TTC23L: variants seen among roughly 807,000 people sequenced by gnomAD.
TTC23L encodes the protein tetratricopeptide repeat domain 23 like.
Under a neutral mutation model 48.1 loss-of-function variants are expected in TTC23L, and 42 were observed. The observed-to-expected ratio is 0.87, with a 90% CI of 0.68 to 1.13. The LOEUF (loss-of-function observed/expected upper bound fraction) is 1.13. Ranked by LOEUF, TTC23L falls within the 50% of genes most tolerant of loss-of-function variation. TTC23L has a pLI of 0.00. For missense variants in TTC23L, 391 were observed against 421.0 expected, an observed-to-expected ratio of 0.93 and a Z score of 0.62; for synonymous variants, 159 against 157.2, an observed-to-expected ratio of 1.01 and a Z score of -0.09.
the TTC23L span, chr5:34,909,186 TTTTA>T: frequency 5.7e-6 from 7 of 1,235,112 alleles, no homozygotes; most frequent in Non-Finnish European, 8.1e-6. Context: ...TTGAAAGTGT[TTTTA>T]TTTAACAGAA....
At chr5:34,895,719 T>C (rs1184483122) in intron 9 of TTC23L, among the ~76,000 whole-genome samples, 2 of 151,838 alleles carry the variant, frequency 1.3e-5, no homozygotes, top group Admixed American at 6.6e-5. Context: ...AGAAGGAAAG[T>C]AGGGTGGAGA....
intron 8 of TTC23L, among the ~76,000 whole-genome samples, chr5:34,874,629 G>T (rs897258624): frequency 1.3e-5 from 2 of 152,032 alleles, no homozygotes; most frequent in Non-Finnish European, 2.9e-5. Flanking sequence ...AGGCAGAGGT[G>T]GGGGGTTTGC....
chr5:34,888,515 A>G (rs1056012436), intron 9 of TTC23L: 2 of 985,274 alleles, frequency 2.0e-6, no homozygotes, highest in Admixed American at 1.2e-4. Flanking sequence ...GGAGACAAAG[A>G]GCCTCCTTAC....
Position 34,850,112 on chromosome 5 carries a change from T to A in TTC23L, c.256-73T>A. 3 of 1,534,896 alleles carry A rather than the reference T, an allele frequency of 2.0e-6. No homozygotes were observed. In the South Asian group the frequency reaches 3.5e-5, roughly 18 times the overall value. ...GATGACAGGTGAATTCAGTCCTGTG[T>A]TCCAGTGATAAGTCCATGGGGTAGA... On this transcript the variant is annotated intron_variant, in intron 3 of 10. Transcript: ENST00000505624.
At chr5:34,866,017 T>C (rs980770890) in intron 6 of TTC23L, among the ~76,000 whole-genome samples, 3 of 152,248 alleles carry the variant, frequency 2.0e-5, no homozygotes, top group African/African-American at 7.2e-5. Context: ...TGTAGGCTTA[T>C]AGAGTTTGAG....
chr5:34,871,841 TGGAAA>T (rs1309697653), intron 8 of TTC23L, among the ~76,000 whole-genome samples: 1 of 152,110 alleles, frequency 6.6e-6, no homozygotes, highest in African/African-American at 2.4e-5. Flanking sequence ...TAATTCAATA[TGGAAA>T]GGATAGTCTT....
the TTC23L span, chr5:34,915,982 T>G: frequency 1.2e-5 from 17 of 1,422,050 alleles, no homozygotes; most frequent in Non-Finnish European, 1.6e-5. Context: ...ACAGCCTTGC[T>G]TAATTTCAGA....
intron 4 of TTC23L, among the ~76,000 whole-genome samples, chr5:34,862,020 C>T (rs11744123): frequency 0.23 from 34,977 of 152,078 alleles, 4,807 homozygotes; most frequent in East Asian, 0.36. Context: ...TTGAGGGGAA[C>T]CTGGTGCTAA....
At chr5:34,916,926 AG>A in the TTC23L span, among the ~76,000 whole-genome samples, 180 of 152,272 alleles carry the variant, frequency 1.2e-3, no homozygotes, top group African/African-American at 4.2e-3. Context: ...GTACACTTCC[AG>A]TAAATGTTAG....
intron 4 of TTC23L, among the ~76,000 whole-genome samples, chr5:34,859,301 G>A (rs1760383711): frequency 6.6e-6 from 1 of 152,088 alleles, no homozygotes; most frequent in African/African-American, 2.4e-5. Flanking sequence ...TTGTTTTCTT[G>A]GTCTAAAGTA....
At chr5:34,913,565 T>C in the TTC23L span, 2 of 1,586,428 alleles carry the variant, frequency 1.3e-6, no homozygotes, top group Non-Finnish European at 1.7e-6. Flanking sequence ...TTTAAACTCC[T>C]GAAATATTCC....
chr5:34,915,933 G>A, the TTC23L span: 8 of 1,499,240 alleles, frequency 5.3e-6, no homozygotes, highest in Admixed American at 5.1e-5. Context: ...ACCTGCGGCG[G>A]CGGCTCTGTG....
chr5:34,913,864 A>G, the TTC23L span: 2 of 475,020 alleles, frequency 4.2e-6, no homozygotes, highest in South Asian at 1.7e-5. Context: ...ATAATGCATG[A>G]GCAACATTAG....
chr5:34,916,162 T>G, the TTC23L span: 1 of 352,760 alleles, frequency 2.8e-6, no homozygotes, highest in African/African-American at 2.1e-5. Flanking sequence ...GATCCAGCGT[T>G]CTTTCTTACT....
At chr5:34,840,512 G>A (rs868138492) in intron 1 of TTC23L, among the ~76,000 whole-genome samples, 153 bp from the exon 2 acceptor site, 8 of 152,130 alleles carry the variant, frequency 5.3e-5, no homozygotes, top group South Asian at 2.1e-4. Flanking sequence ...GTTTTCCAGC[G>A]GTCTCCATAT....
the TTC23L span, among the ~76,000 whole-genome samples, chr5:34,911,196 C>T: frequency 2.0e-5 from 3 of 152,330 alleles, no homozygotes; most frequent in South Asian, 6.2e-4. Context: ...CCTGAACTAA[C>T]TTGAAAAAGA....
chr5:34,892,599 G>C (rs184866755), intron 9 of TTC23L, among the ~76,000 whole-genome samples: 180 of 152,292 alleles, frequency 1.2e-3, no homozygotes, highest in African/African-American at 4.2e-3. Flanking sequence ...GAAATGTAAA[G>C]GAAAAGGGCA....
intron 7 of TTC23L, chr5:34,867,297 G>A: frequency 1.7e-6 from 1 of 572,392 alleles, no homozygotes; most frequent in East Asian, 2.9e-5. Flanking sequence ...TGGCTGTGCA[G>A]ACAGCACTTC....
chr5:34,875,174 G>A (rs376828025), intron 8 of TTC23L, among the ~76,000 whole-genome samples: 8 of 152,144 alleles, frequency 5.3e-5, no homozygotes, highest in African/African-American at 1.4e-4. Flanking sequence ...TAATGTGTAC[G>A]TGCCTAACAA....
Sources: allele counts gnomAD v4.1 joint callset (sites outside exome capture counted in the v4.1 genomes callset), GRCh38; gene constraint gnomAD v4.1.1; transcripts MANE v1.5; gene names NCBI Gene and HGNC (gene_info 2026-07-23, HGNC 2026-07-21).